The following DSE variants were observed in gnomAD, a reference collection of about 807,000 sequenced individuals.
DSE encodes the protein dermatan-sulfate epimerase.
DSE carries 36 observed loss-of-function variants against 84.4 expected under a neutral mutation model. The ratio of observed to expected loss-of-function variants is 0.43; its 90% CI spans 0.33 to 0.56. The LOEUF (loss-of-function observed/expected upper bound fraction) is 0.56. Ranked by LOEUF, DSE falls within the 20% of genes least tolerant of loss-of-function variation. The probability of loss-of-function intolerance (pLI) is 0.06; values close to 1 mark genes in which losing one functional copy is unlikely to be tolerated. For missense variants in DSE, 862 were observed against 1,169.6 expected (o/e 0.74, Z 3.84); for synonymous variants, 410 against 430.1 (o/e 0.95, Z 0.58).
chr6:116,345,052 A>G lies in DSE; in HGVS notation c.-53-54146A>G, dbSNP rs1283904341. Among the ~76,000 whole-genome samples, 4 of 152,232 alleles carry G rather than the reference A, an allele frequency of 2.6e-5. No homozygotes were observed. In the East Asian group the frequency reaches 5.8e-4, roughly 22 times the overall value. On this transcript the variant is annotated intron_variant, in intron 2 of 3. Coordinates refer to the DSE transcript ENST00000430252. ...ACCATTACATAATGGTAAATGGATC[A>G]ATTCAACAAGAAGAGCTAACCTAAA...
At chr6:116,287,901 A>C (rs1237455270) in intron 2 of DSE, among the ~76,000 whole-genome samples, 1 of 152,106 alleles carries the variant, frequency 6.6e-6, no homozygotes, top group African/African-American at 2.4e-5. Context: ...TCTTTAAGAA[A>C]GTGATGTATC....
rs189663408 is a variant in DSE, at chr6:116,434,073, C to T, written c.1118+523C>T. 9.5e-4 allele frequency among the ~76,000 whole-genome samples: 144 copies of T among 152,246 alleles called. 1 individual carries two copies. Among genetic ancestry groups the T allele is most frequent in the African/African-American group, 3.4e-3 (140 of 41,558 alleles). On this transcript the variant is annotated intron_variant, in intron 5 of 5. Coordinates refer to ENST00000644252, the MANE Select transcript of DSE (RefSeq NM_013352.4). ...TAATCTTCTAATAGCAAAGCTGTTACTAAATTTTCAAAAGTGTTTAAAAGT... is the reference window on the plus strand; with the variant it reads ...TAATCTTCTAATAGCAAAGCTGTTATTAAATTTTCAAAAGTGTTTAAAAGT...
chr6:116,321,689 G>A (rs1049568095), intron 2 of DSE, among the ~76,000 whole-genome samples: 5 of 152,062 alleles, frequency 3.3e-5, no homozygotes, highest in African/African-American at 1.2e-4. Context: ...CAGGAGAATC[G>A]ATTGAACCCG....
At chr6:116,315,415 A>G (rs1262681256) in intron 2 of DSE, among the ~76,000 whole-genome samples, 3 of 151,974 alleles carry the variant, frequency 2.0e-5, no homozygotes, top group African/African-American at 7.2e-5. Context: ...AAATGTCATA[A>G]GGGCAGGAAT....
chr6:116,362,465 A>C (rs1361005948), intron 2 of DSE, among the ~76,000 whole-genome samples: 3 of 152,252 alleles, frequency 2.0e-5, no homozygotes, highest in Non-Finnish European at 2.9e-5. Flanking sequence ...AAATGAGGTC[A>C]TAAGGGTGGT....
At chr6:116,429,425 A>C (rs540579762) in intron 3 of DSE, among the ~76,000 whole-genome samples, 21 of 152,316 alleles carry the variant, frequency 1.4e-4, no homozygotes, top group African/African-American at 5.1e-4. Context: ...GGCTACACCC[A>C]CACCAGGAGG....
chr6:116,278,523 A>G (rs1305285525), intron 2 of DSE: 2 of 1,614,088 alleles, frequency 1.2e-6, no homozygotes, highest in South Asian at 2.2e-5. Context: ...AATGTTAACC[A>G]GACTGGAACC....
At chr6:116,395,497 C>T (rs1456089858) in intron 1 of DSE, among the ~76,000 whole-genome samples, 4 of 152,250 alleles carry the variant, frequency 2.6e-5, no homozygotes, top group Admixed American at 1.3e-4. Context: ...CCCTTTGTTT[C>T]GGTAAGCATT....
intron 1 of DSE, chr6:116,375,364 T>G (rs1338015729): frequency 1.2e-5 from 2 of 163,892 alleles, no homozygotes; most frequent in Non-Finnish European, 2.5e-5. Flanking sequence ...AAATAATTTT[T>G]CTTTAAAGAA....
chr6:116,289,996 C>T (rs576853500), intron 2 of DSE, among the ~76,000 whole-genome samples: 2 of 151,996 alleles, frequency 1.3e-5, no homozygotes, highest in South Asian at 4.2e-4. Context: ...GTGTTAAATG[C>T]TTTTCATATA....
chr6:116,415,609 T>A (rs1450933889), intron 2 of DSE, among the ~76,000 whole-genome samples: 2 of 151,784 alleles, frequency 1.3e-5, no homozygotes, highest in Non-Finnish European at 2.9e-5. Flanking sequence ...CTTTTTTTTT[T>A]TTCCTCTGCT....
chr6:116,399,139 A>T, intron 1 of DSE, 59 bp from the exon 2 acceptor site: 2 of 1,412,350 alleles, frequency 1.4e-6, no homozygotes, highest in Non-Finnish European at 1.9e-6. Flanking sequence ...ATATGTTTCC[A>T]CACCTGTGCC....
At chr6:116,324,134 G>A (rs527286046) in intron 2 of DSE, among the ~76,000 whole-genome samples, 52 of 152,230 alleles carry the variant, frequency 3.4e-4, no homozygotes, top group South Asian at 1.7e-3. Context: ...GGCTTTCTTC[G>A]TATTAACATG....
At chr6:116,329,421 T>C (rs1379491271) in intron 2 of DSE, among the ~76,000 whole-genome samples, 1 of 152,338 alleles carries the variant, frequency 6.6e-6, no homozygotes, top group East Asian at 1.9e-4. Context: ...TGATGAATTT[T>C]CTGGTGAAGT....
At chr6:116,390,380 A>T (rs191813390) in intron 1 of DSE, among the ~76,000 whole-genome samples, 1 of 152,050 alleles carries the variant, frequency 6.6e-6, no homozygotes, top group African/African-American at 2.4e-5. Flanking sequence ...TAATTCCTGG[A>T]TTTAATACTT....
chr6:116,375,637 C>A, intron 1 of DSE: 1 of 835,514 alleles, frequency 1.2e-6, no homozygotes, highest in Non-Finnish European at 1.4e-6. Context: ...AGAAAAGAAT[C>A]AAACTAGAAA....
intron 2 of DSE, among the ~76,000 whole-genome samples, chr6:116,419,612 C>G (rs2115044703): frequency 6.6e-6 from 1 of 152,310 alleles, no homozygotes. Flanking sequence ...GACACAGCTG[C>G]AGCAAAGCTG....
intron 2 of DSE, among the ~76,000 whole-genome samples, chr6:116,425,839 G>A (rs1291105275): frequency 6.6e-6 from 1 of 151,904 alleles, no homozygotes; most frequent in Non-Finnish European, 1.5e-5. Context: ...AGCCAAGATG[G>A]TCTCGATCTC....
chr6:116,386,412 A>T (rs1372640199), intron 1 of DSE, among the ~76,000 whole-genome samples: 1 of 152,244 alleles, frequency 6.6e-6, no homozygotes, highest in Non-Finnish European at 1.5e-5. Flanking sequence ...TGCTTTATTT[A>T]ACACAGCCAA....
Sources: gnomAD v4.1 joint callset for allele counts (sites outside exome capture counted in the v4.1 genomes callset) on GRCh38, gnomAD v4.1.1 for gene constraint, MANE v1.5 for transcripts, NCBI Gene and HGNC (gene_info 2026-07-23, HGNC 2026-07-21) for gene names.